Variants in YEATS4 observed in about 807,000 individuals in gnomAD.
YEATS4 encodes YEATS domain containing 4.
YEATS4 carries 17 observed loss-of-function variants against 30.1 expected under a neutral mutation model. The observed-to-expected ratio is 0.56, with a 90% CI of 0.39 to 0.85. YEATS4 has a LOEUF of 0.85. Among genes scored for constraint, YEATS4 ranks in the 40% least tolerant of loss-of-function variants. The pLI is 0.00. For missense variants in YEATS4, 142 were observed against 268.3 expected (o/e 0.53, Z 3.29); for synonymous variants, 85 against 87.5 (o/e 0.97, Z 0.16).
intron 6 of YEATS4, among the ~76,000 whole-genome samples, chr12:69,382,298 G>A (rs1451177916): frequency 6.6e-6 from 1 of 152,172 alleles, no homozygotes; most frequent in Non-Finnish European, 1.5e-5. Context: ...AGTTTCCCTG[G>A]GCTGCGGGTA....
At chr12:69,415,264 C>T in the YEATS4 span, among the ~76,000 whole-genome samples, 104 of 152,274 alleles carry the variant, frequency 6.8e-4, 1 homozygote, top group African/African-American at 2.4e-3. Flanking sequence ...TAGCTCCAAA[C>T]CAACATTTAG....
intron 1 of YEATS4, among the ~76,000 whole-genome samples, chr12:69,361,046 A>C (rs1293678135): frequency 6.6e-6 from 1 of 151,478 alleles, no homozygotes; most frequent in African/African-American, 2.4e-5. Context: ...AAATATACAA[A>C]AATTAGCCGG....
the YEATS4 span, among the ~76,000 whole-genome samples, chr12:69,419,688 C>G: frequency 1.3e-5 from 2 of 152,170 alleles, no homozygotes; most frequent in Admixed American, 6.5e-5. Flanking sequence ...GTTGAGCACT[C>G]TGATGGGACA....
chr12:69,418,170 G>A, the YEATS4 span, among the ~76,000 whole-genome samples: 2 of 152,188 alleles, frequency 1.3e-5, no homozygotes, highest in East Asian at 1.9e-4. Flanking sequence ...ATTCAGTAAA[G>A]GGAAGAGTTC....
chr12:69,400,669 A>G, the YEATS4 span, among the ~76,000 whole-genome samples: 1 of 151,692 alleles, frequency 6.6e-6, no homozygotes, highest in Non-Finnish European at 1.5e-5. Context: ...GCAACATAGC[A>G]AGACCCCCCC....
intron 6 of YEATS4, among the ~76,000 whole-genome samples, chr12:69,383,179 A>G (rs138537024): frequency 2.4e-4 from 36 of 152,244 alleles, no homozygotes; most frequent in East Asian, 1.4e-3. Context: ...TTGGGGGATT[A>G]CTTGAGCCCA....
intron 6 of YEATS4, among the ~76,000 whole-genome samples, chr12:69,384,492 G>GAA (rs1876199450): frequency 6.6e-6 from 1 of 152,186 alleles, no homozygotes; most frequent in Non-Finnish European, 1.5e-5. Context: ...CAATAAGGAA[G>GAA]AAAAGTCTAA....
intron 6 of YEATS4, among the ~76,000 whole-genome samples, chr12:69,389,549 T>C (rs747320213): frequency 2.4e-5 from 3 of 124,422 alleles, no homozygotes; most frequent in Non-Finnish European, 5.0e-5. Context: ...AGTCTCACTC[T>C]GTCGACCAGG....
intron 6 of YEATS4, among the ~76,000 whole-genome samples, chr12:69,384,705 A>G (rs1653302272): frequency 6.6e-6 from 1 of 152,372 alleles, no homozygotes; most frequent in East Asian, 1.9e-4. Context: ...TTAAAGTGTT[A>G]GGAAAAATCA....
the YEATS4 span, among the ~76,000 whole-genome samples, chr12:69,406,652 G>C: frequency 6.3e-4 from 96 of 151,976 alleles, no homozygotes; most frequent in African/African-American, 2.2e-3. Context: ...CCATGTAACT[G>C]GTTTTATTTT....
At chr12:69,400,318 C>T in the YEATS4 span, among the ~76,000 whole-genome samples, 1 of 152,030 alleles carries the variant, frequency 6.6e-6, no homozygotes, top group Admixed American at 6.6e-5. Flanking sequence ...TTCACTTAGC[C>T]ACCAAGCTGT....
chr12:69,391,031 C>T (rs569251124), downstream of YEATS4, among the ~76,000 whole-genome samples: 3 of 152,320 alleles, frequency 2.0e-5, no homozygotes, highest in Admixed American at 6.5e-5. Context: ...TGGCGGCTTA[C>T]GCCTGTAATA....
Position 69,365,903 on chromosome 12 carries a change from T to G in YEATS4, c.333+19T>G. 6.6e-7 allele frequency: 1 copy of G among 1,506,166 alleles called. No individual in the cohort carries two copies. Among genetic ancestry groups the G allele is most frequent in the Non-Finnish European group, 9.0e-7 (1 of 1,106,230 alleles). 93.3% of individuals were successfully genotyped at this position (1,506,166 alleles called of 1,614,324 possible). ...AAGACCTGTGAGTAGCATTAATCTT[T>G]GTAAATATAAAATAGATTTCTTAGT... is the stretch of plus-strand genomic sequence containing the variant. On this transcript the variant is annotated intron_variant, in intron 4 of 6. Coordinates refer to ENST00000247843, the MANE Select transcript of YEATS4 (RefSeq NM_006530.4).
chr12:69,369,801 C>T (rs1875572516), intron 4 of YEATS4, among the ~76,000 whole-genome samples: 1 of 152,172 alleles, frequency 6.6e-6, no homozygotes, highest in Non-Finnish European at 1.5e-5. Flanking sequence ...ATTCTTAGTG[C>T]ATCATCTTGA....
intron 4 of YEATS4, 39 bp downstream of exon 4, chr12:69,365,923 C>G (rs756826957): frequency 1.1e-5 from 16 of 1,429,466 alleles, no homozygotes; most frequent in Middle Eastern, 2.3e-4. Flanking sequence ...AAATAGATTT[C>G]TTAGTAAATG....
intron 4 of YEATS4, among the ~76,000 whole-genome samples, chr12:69,369,802 A>C (rs1875572613): frequency 6.6e-6 from 1 of 152,154 alleles, no homozygotes; most frequent in Non-Finnish European, 1.5e-5. Flanking sequence ...TTCTTAGTGC[A>C]TCATCTTGAG....
rs762527955 is a variant in YEATS4 at position 69,390,148 on chromosome 12, T to C, written c.516T>C (p.Phe172=). 1 of 1,574,464 alleles carries C rather than the reference T, an allele frequency of 6.4e-7. No individual in the cohort carries two copies. Among genetic ancestry groups the C allele is most frequent in the African/African-American group, 1.4e-5 (1 of 72,124 alleles). ...AGTAAAAGTATTTGTTTTCTTTAGT[T>C]GCAGAGCTTGAAGTGAAAACCAGAG... ...TLGAYKHETE[F]AELEVKTREK... The change falls in exon 7 of 7, where the codon TTT becomes TTC. Residue 172 remains phenylalanine, a splice_region_variant and synonymous_variant. Transcript: ENST00000247843.
Position 69,365,806 on chromosome 12 carries a change from A to C in YEATS4, c.255A>C (p.Pro85=), listed in dbSNP as rs921097742. The C allele has an allele frequency of 6.2e-7, 1 of 1,609,656 alleles. No homozygotes were observed. The highest frequency in any genetic ancestry group is 1.3e-5 in the African/African-American group (1 of 74,720). ...GNPLRVVTKP[P]YEITETGWGE... is the part of the protein sequence containing the mutation. ...TGTCTTTAGTTGTTACTAAACCTCCATATGAAATTACTGAAACAGGATGGG... is the reference window on the plus strand; with the variant it reads ...TGTCTTTAGTTGTTACTAAACCTCCCTATGAAATTACTGAAACAGGATGGG... Residue 85 remains proline, a synonymous_variant, in exon 4 of 7, where the codon CCA becomes CCC. Coordinates refer to ENST00000247843, the MANE Select transcript of YEATS4 (RefSeq NM_006530.4).
chr12:69,426,241 AAATAAT>A, the YEATS4 span, among the ~76,000 whole-genome samples: 4 of 152,058 alleles, frequency 2.6e-5, no homozygotes, highest in African/African-American at 4.8e-5. Context: ...ACCCTATCTC[AAATAAT>A]AATAATAATA....
Sources: allele counts gnomAD v4.1 joint callset (sites outside exome capture counted in the v4.1 genomes callset), GRCh38; gene constraint gnomAD v4.1.1; transcripts MANE v1.5; gene names NCBI Gene and HGNC (gene_info 2026-07-23, HGNC 2026-07-21).